Variants in CDH12 observed in about 807,000 individuals in gnomAD.
CDH12 encodes cadherin 12, also known as cadherin-12.
CDH12 carries 41 observed loss-of-function variants against 74.1 expected under a neutral mutation model. That is an observed-to-expected ratio of 0.55 (90% CI 0.43 to 0.72). The LOEUF is 0.72. Ranked by LOEUF, CDH12 falls within the 30% of genes least tolerant of loss-of-function variation. CDH12 has a pLI of 0.00. For synonymous variants in CDH12, 399 were observed against 355.0 expected (o/e 1.12, Z -1.39); for missense variants, 945 against 977.2 (o/e 0.97, Z 0.44).
chr5:21,990,486 A>T (rs1304326390), intron 5 of CDH12, among the ~76,000 whole-genome samples: 1 of 151,966 alleles, frequency 6.6e-6, no homozygotes, highest in Non-Finnish European at 1.5e-5. Flanking sequence ...TTTATATCAT[A>T]AATTTGGAGA....
chr5:21,936,030 A>G lies in CDH12; in HGVS notation c.526+39061T>C, dbSNP rs550734712. ...CTTAGGTTGATTCCAAATTTTGGCT[A>G]TTGTGAGTAGTGCTGCAATAAACAT... On this transcript the variant is annotated intron_variant, in intron 6 of 14. Coordinates refer to ENST00000382254, the MANE Select transcript of CDH12 (RefSeq NM_004061.5). Among the ~76,000 whole-genome samples the G allele has an allele frequency of 1.6e-3, 251 of 152,194 alleles. 1 individual carries two copies. Among genetic ancestry groups the G allele is most frequent in the African/African-American group, 5.8e-3 (239 of 41,524 alleles).
intron 3 of CDH12, among the ~76,000 whole-genome samples, chr5:22,382,417 G>C (rs77809785): frequency 0.024 from 3,651 of 151,766 alleles, 79 homozygotes; most frequent in Non-Finnish European, 0.037. Flanking sequence ...AGTGTCACAA[G>C]TCCCTGACTG....
intron 3 of CDH12, among the ~76,000 whole-genome samples, chr5:22,283,207 TATATATATAG>T (rs1299212642): frequency 0.13 from 11,160 of 86,532 alleles, 496 homozygotes; most frequent in Admixed American, 0.15. Context: ...ATCTGTGAGA[TATATATATAG>T]ATATATATAT....
chr5:22,379,796 C>T (rs1741683635), intron 3 of CDH12, among the ~76,000 whole-genome samples: 1 of 152,138 alleles, frequency 6.6e-6, no homozygotes, highest in Middle Eastern at 3.2e-3. Context: ...CTTTCTGTTG[C>T]TTTGGCCAGA....
chr5:22,372,753 G>C (rs1405800962), intron 3 of CDH12, among the ~76,000 whole-genome samples: 1 of 152,104 alleles, frequency 6.6e-6, no homozygotes, highest in African/African-American at 2.4e-5. Flanking sequence ...CCTTCCAGGT[G>C]GTGGGCCCAC....
chr5:22,652,111 A>C (rs1230422206), intron 1 of CDH12, among the ~76,000 whole-genome samples: 1 of 152,154 alleles, frequency 6.6e-6, no homozygotes, highest in Non-Finnish European at 1.5e-5. Flanking sequence ...TTAAAATGTG[A>C]AGTATGGTCA....
chr5:22,275,729 T>C (rs555829256), intron 3 of CDH12, among the ~76,000 whole-genome samples: 1 of 152,292 alleles, frequency 6.6e-6, no homozygotes, highest in South Asian at 2.1e-4. Flanking sequence ...TAAAATCATT[T>C]TCAATGTGTG....
chr5:22,716,052 G>T (rs371297706), intron 1 of CDH12, among the ~76,000 whole-genome samples: 3 of 151,946 alleles, frequency 2.0e-5, no homozygotes, highest in Non-Finnish European at 2.9e-5. Flanking sequence ...CAGGAGAATT[G>T]CTTGAACCTG....
At chr5:22,391,340 G>A (rs547484161) in intron 3 of CDH12, among the ~76,000 whole-genome samples, 82 of 152,280 alleles carry the variant, frequency 5.4e-4, no homozygotes, top group African/African-American at 1.9e-3. Flanking sequence ...CTCCAAGGAA[G>A]TTATTGTCAT....
At chr5:22,154,219 AT>A (rs1322122251) in intron 4 of CDH12, among the ~76,000 whole-genome samples, 1 of 151,344 alleles carries the variant, frequency 6.6e-6, no homozygotes, top group Non-Finnish European at 1.5e-5. Flanking sequence ...ATCACCTCTC[AT>A]AATTATCTTT....
At chr5:22,806,909 C>T (rs1748846985) in intron 1 of CDH12, among the ~76,000 whole-genome samples, 1 of 151,994 alleles carries the variant, frequency 6.6e-6, no homozygotes, top group Non-Finnish European at 1.5e-5. Context: ...AAATTTTCTC[C>T]CATTCTGTAA....
chr5:22,167,262 A>G lies in CDH12; in HGVS notation c.-187+45236T>C, dbSNP rs191502211. ...ATTCTGAAGGATGCTAGTCATGTGA[A>G]TGATTTTAAGCAGCAGAATATATAA... On this transcript the variant is annotated intron_variant, in intron 4 of 14. Transcript: ENST00000382254. Among the ~76,000 whole-genome samples the G allele has an allele frequency of 7.2e-5, 11 of 152,336 alleles. No individual in the cohort carries two copies. In the East Asian group the frequency reaches 2.1e-3, roughly 29 times the overall value.
chr5:22,069,520 G>A (rs1741795614), intron 5 of CDH12, among the ~76,000 whole-genome samples: 1 of 152,110 alleles, frequency 6.6e-6, no homozygotes, highest in Non-Finnish European at 1.5e-5. Context: ...CAAAAATTTT[G>A]CTTCTTGACC....
intron 3 of CDH12, among the ~76,000 whole-genome samples, chr5:22,280,138 C>T (rs527343734): frequency 1.3e-5 from 2 of 152,216 alleles, no homozygotes; most frequent in South Asian, 4.1e-4. Context: ...TAATGATGAG[C>T]ATTTTTTTAT....
chr5:22,661,992 CAT>C (rs988593977), intron 1 of CDH12, among the ~76,000 whole-genome samples: 36 of 152,240 alleles, frequency 2.4e-4, no homozygotes, highest in Non-Finnish European at 3.4e-4. Context: ...TGTTTCTACA[CAT>C]GAGTTTATTT....
At chr5:22,422,478 ATT>A (rs1393540415) in intron 2 of CDH12, among the ~76,000 whole-genome samples, 4 of 152,042 alleles carry the variant, frequency 2.6e-5, no homozygotes, top group African/African-American at 9.6e-5. Context: ...GTTTGCCAGT[ATT>A]TTTTTGAAGA....
intron 13 of CDH12, among the ~76,000 whole-genome samples, chr5:21,758,256 A>C (rs7734958): frequency 9.6e-4 from 146 of 152,262 alleles, no homozygotes; most frequent in African/African-American, 3.4e-3. Context: ...CTCTCATTAT[A>C]AATAACTTCA....
intron 3 of CDH12, among the ~76,000 whole-genome samples, chr5:22,370,104 TTA>T (rs1466170026): frequency 6.6e-6 from 1 of 152,168 alleles, no homozygotes; most frequent in Non-Finnish European, 1.5e-5. Flanking sequence ...CCTCAATATT[TTA>T]TCTTTGGTCA....
intron 2 of CDH12, among the ~76,000 whole-genome samples, chr5:22,443,437 G>A (rs1744701277): frequency 6.6e-6 from 1 of 152,140 alleles, no homozygotes; most frequent in South Asian, 2.1e-4. Context: ...AATTACGTAA[G>A]TGTTGATACT....
Sources: allele counts gnomAD v4.1 joint callset (sites outside exome capture counted in the v4.1 genomes callset), GRCh38; gene constraint gnomAD v4.1.1; transcripts MANE v1.5; gene names NCBI Gene and HGNC (gene_info 2026-07-23, HGNC 2026-07-21).